Variants in MYLK observed in about 807,000 individuals in gnomAD.
MYLK encodes the protein myosin light chain kinase, also known as myosin light chain kinase, smooth muscle.
A neutral mutation model predicts 203.4 loss-of-function variants in MYLK; 106 were observed. That is an observed-to-expected ratio of 0.52 (90% confidence interval 0.45 to 0.61). The LOEUF (loss-of-function observed/expected upper bound fraction) is 0.61, where lower values mean the gene tolerates loss of function less well. MYLK is among the 20% of genes least tolerant of loss of function. The pLI is 0.00. For synonymous variants in MYLK, 867 were observed against 959.5 expected (o/e 0.90, Z 1.78); for missense variants, 2,072 against 2,442.3 (o/e 0.85, Z 3.20).
At chr3:123,731,627 T>A (rs9847268) in intron 11 of MYLK, among the ~76,000 whole-genome samples, 1 of 152,198 alleles carries the variant, frequency 6.6e-6, no homozygotes, top group East Asian at 1.9e-4. Flanking sequence ...TGAATTCCTA[T>A]GTACCCATCT....
intron 2 of MYLK, among the ~76,000 whole-genome samples, chr3:123,853,482 G>A (rs920591033): frequency 3.3e-5 from 5 of 152,128 alleles, no homozygotes; most frequent in African/African-American, 1.2e-4. Flanking sequence ...GGCAACATTT[G>A]CCCCAGGGGA....
At chr3:123,868,720 A>T (rs894705824) in intron 2 of MYLK, among the ~76,000 whole-genome samples, 2 of 152,266 alleles carry the variant, frequency 1.3e-5, no homozygotes, top group Admixed American at 1.3e-4. Flanking sequence ...GAACAAGAAC[A>T]ATATCATAAG....
At chr3:123,665,819 G>C (rs1206596604) in intron 22 of MYLK, among the ~76,000 whole-genome samples, 2 of 152,186 alleles carry the variant, frequency 1.3e-5, no homozygotes, top group East Asian at 3.8e-4. Context: ...AGTTTAAGTG[G>C]TTATAACAGA....
chr3:123,883,773 C>T (rs1005834450), intron 1 of MYLK, among the ~76,000 whole-genome samples: 2 of 152,180 alleles, frequency 1.3e-5, no homozygotes, highest in African/African-American at 4.8e-5. Flanking sequence ...ATGGCCAGGT[C>T]TGGCACTCGC....
rs1025480903 is a variant in MYLK, at chr3:123,651,814, G to A, written c.4289-2620C>T. 5.9e-5 allele frequency among the ~76,000 whole-genome samples: 9 copies of A among 152,332 alleles called. No homozygotes were observed. The East Asian group carries it at 9.6e-4, about 16-fold the overall frequency. ...GAGCCCACATCCATGCCTCACCTTC[G>A]CCTCTCACCCCAGAGGTCTGTGGCA... On this transcript the variant is annotated intron_variant, in intron 24 of 33. Coordinates refer to ENST00000360304, the MANE Select transcript of MYLK (RefSeq NM_053025.4).
intron 1 of MYLK, among the ~76,000 whole-genome samples, chr3:123,877,062 T>C (rs776244358): frequency 9.9e-5 from 15 of 152,214 alleles, no homozygotes; most frequent in African/African-American, 3.1e-4. Context: ...ACTTAACTCA[T>C]TCCCTGAACA....
intron 10 of MYLK, among the ~76,000 whole-genome samples, 182 bp from the exon 11 acceptor site, chr3:123,733,284 A>C (rs1576777252): frequency 1.3e-5 from 2 of 152,078 alleles, no homozygotes; most frequent in Admixed American, 6.6e-5. Context: ...CTCTTGAGAG[A>C]GTCAGGGGCC....
chr3:123,851,285 G>C (rs1264458286), intron 2 of MYLK, among the ~76,000 whole-genome samples: 5 of 152,160 alleles, frequency 3.3e-5, no homozygotes. Flanking sequence ...TGTGAAGAAA[G>C]TCCTTGGTAG....
At chr3:123,852,782 T>C (rs7651637) in intron 2 of MYLK, among the ~76,000 whole-genome samples, 2,949 of 152,250 alleles carry the variant, frequency 0.019, 86 homozygotes, top group African/African-American at 0.066. Context: ...AGCTCTTAAC[T>C]GCATATGCTA....
At chr3:123,798,151 TAATGATCACCCC>T (rs1347726277) in intron 3 of MYLK, among the ~76,000 whole-genome samples, 1 of 152,232 alleles carries the variant, frequency 6.6e-6, no homozygotes, top group Non-Finnish European at 1.5e-5. Flanking sequence ...AGAGCAGTTC[TAATGATCACCCC>T]TTCACAAATG....
intron 2 of MYLK, among the ~76,000 whole-genome samples, chr3:123,873,183 C>T (rs1257604866): frequency 6.6e-6 from 1 of 151,894 alleles, no homozygotes. Context: ...AACTCATGGA[C>T]AAAAGAAAAA....
chr3:123,781,398 G>A (rs981827632), intron 4 of MYLK, among the ~76,000 whole-genome samples: 12 of 152,286 alleles, frequency 7.9e-5, no homozygotes, highest in Non-Finnish European at 1.3e-4. Flanking sequence ...TCCTTCAGTC[G>A]AGCTCTCCTG....
intron 19 of MYLK, among the ~76,000 whole-genome samples, chr3:123,683,411 A>G (rs971438711): frequency 6.6e-6 from 1 of 152,094 alleles, no homozygotes; most frequent in Non-Finnish European, 1.5e-5. Flanking sequence ...GATCTTGCCT[A>G]GACTGGGCTC....
intron 4 of MYLK, among the ~76,000 whole-genome samples, chr3:123,764,901 T>C (rs888901581): frequency 6.6e-6 from 1 of 152,202 alleles, no homozygotes; most frequent in Admixed American, 6.5e-5. Context: ...GAAACCCAAC[T>C]CAGCCAACCA....
intron 23 of MYLK, among the ~76,000 whole-genome samples, chr3:123,660,742 T>TAA (rs557370614): frequency 2.0e-5 from 3 of 152,236 alleles, no homozygotes; most frequent in Non-Finnish European, 2.9e-5. Context: ...TAAACTGGCC[T>TAA]TATTTAGCTG....
At chr3:123,851,217 T>G (rs1268391424) in intron 2 of MYLK, among the ~76,000 whole-genome samples, 1 of 152,232 alleles carries the variant, frequency 6.6e-6, no homozygotes, top group Non-Finnish European at 1.5e-5. Context: ...AGGATTGTCT[T>G]GGCAATGTGG....
At chr3:123,742,149 T>A (rs1240424807) in intron 5 of MYLK, among the ~76,000 whole-genome samples, 2 of 152,198 alleles carry the variant, frequency 1.3e-5, no homozygotes, top group African/African-American at 4.8e-5. Flanking sequence ...CCCAGCTCCA[T>A]CTAATTTCTC....
chr3:123,652,760 G>A (rs1219376965), intron 24 of MYLK, among the ~76,000 whole-genome samples: 15 of 152,232 alleles, frequency 9.9e-5, no homozygotes, highest in Admixed American at 9.8e-4. Context: ...CAGGATTTGA[G>A]GAGGAGTACA....
chr3:123,650,922 G>A (rs2059190459), intron 24 of MYLK, among the ~76,000 whole-genome samples: 1 of 152,156 alleles, frequency 6.6e-6, no homozygotes, highest in Non-Finnish European at 1.5e-5. Context: ...TACTGCTTGG[G>A]CTGTCAGATG....
Sources: gnomAD v4.1 joint callset for allele counts (sites outside exome capture counted in the v4.1 genomes callset) on GRCh38, gnomAD v4.1.1 for gene constraint, MANE v1.5 for transcripts, NCBI Gene and HGNC (gene_info 2026-07-23, HGNC 2026-07-21) for gene names.